Variants in RFTN1 observed in about 807,000 individuals in gnomAD.
RFTN1 encodes raftlin.
Under a neutral mutation model 46.5 loss-of-function variants are expected in RFTN1, and 26 were observed. That is an observed-to-expected ratio of 0.56 (90% CI 0.41 to 0.78). RFTN1 has a LOEUF of 0.78. RFTN1 is among the 30% of genes least tolerant of loss of function. The probability of loss-of-function intolerance (pLI) is 0.00; values close to 1 mark genes in which losing one functional copy is unlikely to be tolerated. For missense variants in RFTN1, 693 were observed against 718.7 expected, an observed-to-expected ratio of 0.96 and a Z score of 0.41; for synonymous variants, 261 against 284.2, an observed-to-expected ratio of 0.92 and a Z score of 0.82.
At chr3:16,401,114 C>G (rs2074590083) in intron 4 of RFTN1, among the ~76,000 whole-genome samples, 1 of 152,134 alleles carries the variant, frequency 6.6e-6, no homozygotes, top group Admixed American at 6.5e-5. Flanking sequence ...GAATTCAAGA[C>G]CAACCTGGTA....
chr3:16,496,170 G>A (rs1454058811), intron 1 of RFTN1, among the ~76,000 whole-genome samples: 4 of 152,246 alleles, frequency 2.6e-5, no homozygotes, highest in Non-Finnish European at 5.9e-5. Context: ...AAGAAAGAGA[G>A]GAAGCCCCGA....
At chr3:16,438,623 A>T (rs13067031) in intron 2 of RFTN1, among the ~76,000 whole-genome samples, 1 of 140,000 alleles carries the variant, frequency 7.1e-6, no homozygotes, top group African/African-American at 2.6e-5. Flanking sequence ...AAAAAAGAAG[A>T]CAGGTTTCTA....
At chr3:16,375,398 A>T (rs2125371971) in intron 5 of RFTN1, among the ~76,000 whole-genome samples, 1 of 151,584 alleles carries the variant, frequency 6.6e-6, no homozygotes, top group Middle Eastern at 3.4e-3. Context: ...AAAAGGTGAC[A>T]CTCCCTATTT....
Position 16,356,345 on chromosome 3 carries a change from T to TCC in RFTN1, c.1146+1585_1146+1586dup, listed in dbSNP as rs1331400268. 2.0e-5 allele frequency among the ~76,000 whole-genome samples: 3 copies of TCC among 152,150 alleles called. No homozygotes were observed. The highest frequency in any genetic ancestry group is 7.2e-5 in the African/African-American group (3 of 41,412). On this transcript the variant is annotated intron_variant, in intron 7 of 9. Coordinates refer to ENST00000334133, the MANE Select transcript of RFTN1 (RefSeq NM_015150.2). This position sits in a 1 kb window ranked among gnomAD's most constrained non-coding sequence, Gnocchi z 4.9. Reference sequence around the variant, plus strand: ...CCAGGCTGTCACCTGGTTCCTGACTTCCCTCAGGACTTCTGGCCCCTACGC... The same window carrying TCC: ...CCAGGCTGTCACCTGGTTCCTGACTTCCCCCTCAGGACTTCTGGCCCCTACGC...
At chr3:16,409,025 G>A (rs565750766) in intron 4 of RFTN1, among the ~76,000 whole-genome samples, 5 of 152,194 alleles carry the variant, frequency 3.3e-5, no homozygotes, top group Admixed American at 2.0e-4. Flanking sequence ...GGGGGCTTGC[G>A]GCAATGAAGA....
At position 16,400,500 on chromosome 3, in the gene RFTN1, C is replaced by T. The variant is rs773231093; in HGVS notation, c.441+8875G>A. Among the ~76,000 whole-genome samples the T allele has an allele frequency of 6.6e-6, 1 of 152,232 alleles. No individual in the cohort carries two copies. Among genetic ancestry groups the T allele is most frequent in the African/African-American group, 2.4e-5 (1 of 41,460 alleles). On this transcript the variant is annotated intron_variant, in intron 4 of 9. Coordinates refer to ENST00000334133, the MANE Select transcript of RFTN1 (RefSeq NM_015150.2). This position sits in a 1 kb window ranked among gnomAD's most constrained non-coding sequence, Gnocchi z 4.5. ...GCCCTCAGCTAGACTCTAAGTTTCA[C>T]GTGTCCAGGGCATTACCTAGACCGG...
At chr3:16,331,269 C>T (rs1448259365) in intron 7 of RFTN1, among the ~76,000 whole-genome samples, 2 of 152,212 alleles carry the variant, frequency 1.3e-5, no homozygotes, top group Non-Finnish European at 2.9e-5. Flanking sequence ...GCAGGGTGTG[C>T]TTATACTACT....
At chr3:16,463,758 A>C (rs1333849489) in intron 2 of RFTN1, among the ~76,000 whole-genome samples, 1 of 152,204 alleles carries the variant, frequency 6.6e-6, no homozygotes, top group African/African-American at 2.4e-5. Flanking sequence ...AATACCAGAC[A>C]TCATGTATTA....
In RFTN1 at chr3:16,447,983, C is replaced by T. The variant is rs2075761321; in HGVS notation, c.146-13946G>A. ...CCCTCTCTTCCTCTCTCCTTCTTTT[C>T]TCTCTTTTTTCTTTTCTTCCTCCCT... is the stretch of plus-strand genomic sequence containing the variant. On this transcript the variant is annotated intron_variant, in intron 2 of 9. Coordinates refer to ENST00000334133, the MANE Select transcript of RFTN1 (RefSeq NM_015150.2). The surrounding 1 kb of genome is among the most constrained non-coding windows in gnomAD (Gnocchi z 5.9). Among the ~76,000 whole-genome samples, 1 of 151,914 alleles carries T rather than the reference C, an allele frequency of 6.6e-6. No individual in the cohort carries two copies. The highest frequency in any genetic ancestry group is 6.6e-5 in the Admixed American group (1 of 15,254).
chr3:16,495,081 A>G (rs900762517), intron 1 of RFTN1, among the ~76,000 whole-genome samples: 12 of 152,172 alleles, frequency 7.9e-5, no homozygotes, highest in Non-Finnish European at 1.6e-4. Context: ...TTCAGTAATT[A>G]AAAAAAGTCT....
At position 16,381,124 on chromosome 3, in the gene RFTN1, CAT is replaced by C. The variant is rs2073977872; in HGVS notation, c.442-3024_442-3023del. 1.3e-5 allele frequency among the ~76,000 whole-genome samples: 2 copies of C among 152,104 alleles called. No homozygotes were observed. The highest frequency in any genetic ancestry group is 2.9e-5 in the Non-Finnish European group (2 of 68,022). On this transcript the variant is annotated intron_variant, in intron 4 of 9. Coordinates refer to ENST00000334133, the MANE Select transcript of RFTN1 (RefSeq NM_015150.2). The surrounding 1 kb of genome is among the most constrained non-coding windows in gnomAD (Gnocchi z 4.2). Reference sequence around the variant, plus strand: ...ATGGAACAATTAATGCTTGAAATGACATATAAAAAGTCAAGATTCTAAACTTC... The same window carrying C: ...ATGGAACAATTAATGCTTGAAATGACATAAAAAGTCAAGATTCTAAACTTC...
At position 16,457,088 on chromosome 3, in the gene RFTN1, G is replaced by C. The variant is rs1380677951; in HGVS notation, c.146-23051C>G. Among the ~76,000 whole-genome samples the C allele has an allele frequency of 6.6e-6, 1 of 152,142 alleles. No homozygotes were observed. Among genetic ancestry groups the C allele is most frequent in the East Asian group, 1.9e-4 (1 of 5,204 alleles). Reference sequence around the variant, plus strand: ...TTTCTGGTAGCTGGCAGGAAAACAGGCTCTTTAATCTTTTACAGTTCACCA... The same window carrying C: ...TTTCTGGTAGCTGGCAGGAAAACAGCCTCTTTAATCTTTTACAGTTCACCA... On this transcript the variant is annotated intron_variant, in intron 2 of 9. Transcript: ENST00000334133. The surrounding 1 kb of genome is among the most constrained non-coding windows in gnomAD (Gnocchi z 4.2).
In RFTN1 at chr3:16,479,010, G is replaced by C. The variant is rs1001290227; in HGVS notation, c.145+14715C>G. Among the ~76,000 whole-genome samples the C allele has an allele frequency of 1.3e-5, 2 of 152,162 alleles. No homozygotes were observed. The highest frequency in any genetic ancestry group is 2.4e-5 in the African/African-American group (1 of 41,438). ...AGCAATTCACTAGGTACACAAGGCCGTGGATACCAGTAGGCAGGGGTCACT... is the reference window on the plus strand; with the variant it reads ...AGCAATTCACTAGGTACACAAGGCCCTGGATACCAGTAGGCAGGGGTCACT... On this transcript the variant is annotated intron_variant, in intron 2 of 9. Transcript: ENST00000334133. The surrounding 1 kb of genome is among the most constrained non-coding windows in gnomAD (Gnocchi z 5.1).
Position 16,460,368 on chromosome 3 carries a change from T to C in RFTN1, c.146-26331A>G, listed in dbSNP as rs2075986736. 6.6e-6 allele frequency among the ~76,000 whole-genome samples: 1 copy of C among 152,194 alleles called. No individual in the cohort carries two copies. The highest frequency in any genetic ancestry group is 6.5e-5 in the Admixed American group (1 of 15,280). ...TTTCTGCTGCCAAAGCCCAATAGGC[T>C]TATAAATAAATACACAGCCCACAGG... is the stretch of plus-strand genomic sequence containing the variant. On this transcript the variant is annotated intron_variant, in intron 2 of 9. Transcript: ENST00000334133. This position sits in a 1 kb window ranked among gnomAD's most constrained non-coding sequence, Gnocchi z 4.8.
intron 7 of RFTN1, among the ~76,000 whole-genome samples, chr3:16,355,507 G>A (rs1362482187): frequency 6.6e-6 from 1 of 152,234 alleles, no homozygotes; most frequent in African/African-American, 2.4e-5. Flanking sequence ...GGGAGGCAGT[G>A]GTCTGCAGCC....
At chr3:16,408,273 T>G (rs2074906837) in intron 4 of RFTN1, among the ~76,000 whole-genome samples, 1 of 152,056 alleles carries the variant, frequency 6.6e-6, no homozygotes, top group Non-Finnish European at 1.5e-5. Flanking sequence ...CCAAGTACCT[T>G]CCGGATCCCC....
intron 2 of RFTN1, among the ~76,000 whole-genome samples, chr3:16,491,781 A>C (rs988486879): frequency 2.6e-5 from 4 of 151,672 alleles, no homozygotes; most frequent in African/African-American, 7.3e-5. Flanking sequence ...AAACAAACAA[A>C]AAAAAAAAAC....
chr3:16,489,140 G>A lies in RFTN1; in HGVS notation c.145+4585C>T, dbSNP rs367847405. Reference sequence around the variant, plus strand: ...GGAAATAAAATCAGTGATGGAGGCCGGGTGAGGTGGCTCACACCTGTAATC... The same window carrying A: ...GGAAATAAAATCAGTGATGGAGGCCAGGTGAGGTGGCTCACACCTGTAATC... On this transcript the variant is annotated intron_variant, in intron 2 of 9. Coordinates refer to ENST00000334133, the MANE Select transcript of RFTN1 (RefSeq NM_015150.2). This position sits in a 1 kb window ranked among gnomAD's most constrained non-coding sequence, Gnocchi z 4.0. Among the ~76,000 whole-genome samples the A allele has an allele frequency of 3.3e-5, 5 of 152,118 alleles. No homozygotes were observed. The highest frequency in any genetic ancestry group is 3.8e-4 in the East Asian group (2 of 5,198).
At chr3:16,510,765 T>C (rs2125017897) in intron 1 of RFTN1, among the ~76,000 whole-genome samples, 1 of 152,336 alleles carries the variant, frequency 6.6e-6, no homozygotes, top group Non-Finnish European at 1.5e-5. Context: ...AGCAATTTAC[T>C]ACTAGGTGTT....
Sources: allele counts gnomAD v4.1 joint callset (sites outside exome capture counted in the v4.1 genomes callset), GRCh38; gene constraint gnomAD v4.1.1; non-coding constraint Gnocchi (gnomAD v3.1); transcripts MANE v1.5; gene names NCBI Gene and HGNC (gene_info 2026-07-23, HGNC 2026-07-21).